The following OSBP2 variants were observed in gnomAD, a reference collection of about 807,000 sequenced individuals.
The protein encoded by OSBP2 is oxysterol-binding protein 2.
In OSBP2, 66 loss-of-function variants were observed where a neutral mutation model predicts 96.0. That is an observed-to-expected ratio of 0.69 (90% CI 0.56 to 0.84). The LOEUF is 0.84. Ranked by LOEUF, OSBP2 falls within the 40% of genes least tolerant of loss-of-function variation. OSBP2 has a pLI of 0.00. For missense variants in OSBP2, 1,038 were observed against 1,222.7 expected (o/e 0.85, Z 2.25); for synonymous variants, 525 against 520.9 (o/e 1.01, Z -0.11).
At chr22:30,781,627 C>G (rs1267554396) in intron 2 of OSBP2, among the ~76,000 whole-genome samples, 1 of 152,114 alleles carries the variant, frequency 6.6e-6, no homozygotes, top group Non-Finnish European at 1.5e-5. Context: ...CTCAAATGGG[C>G]TGACCAGGGA....
chr22:30,854,574 G>T (rs2039042745), intron 2 of OSBP2, among the ~76,000 whole-genome samples: 1 of 150,772 alleles, frequency 6.6e-6, no homozygotes, highest in Non-Finnish European at 1.5e-5. Context: ...CTCCCAAAGT[G>T]CTGGGATTAC....
rs2040008366 is a variant in OSBP2 at position 30,893,855 on chromosome 22, T to G, written c.2229T>G (p.His743Gln). The change falls in exon 12 of 14, where the codon CAT (histidine) becomes CAG (glutamine). Residue 743 changes from histidine (H) to glutamine (Q), a missense_variant. Coordinates refer to ENST00000332585, the MANE Select transcript of OSBP2 (RefSeq NM_030758.4). ...GVVSDSQGKAHYVLSGSWDEQ... is the reference protein window; with the variant it reads ...GVVSDSQGKAQYVLSGSWDEQ... ...TGAGTGACAGCCAGGGCAAGGCCCATTACGTGCTGTCCGGCTCGTGGGATG... is the reference window on the plus strand; with the variant it reads ...TGAGTGACAGCCAGGGCAAGGCCCAGTACGTGCTGTCCGGCTCGTGGGATG... 1 of 1,586,188 alleles carries G rather than the reference T, an allele frequency of 6.3e-7. No homozygotes were observed. The highest frequency in any genetic ancestry group is 1.8e-5 in the Admixed American group (1 of 54,378).
At chr22:30,902,443 G>A in intron 12 of OSBP2, 1 of 1,585,460 alleles carries the variant, frequency 6.3e-7, no homozygotes, top group Non-Finnish European at 8.6e-7. Context: ...TGTGGACATT[G>A]CAGAAGGCAG....
At chr22:30,752,220 CCAGTTGCCT>C (rs1389036546) in intron 2 of OSBP2, among the ~76,000 whole-genome samples, 1 of 151,206 alleles carries the variant, frequency 6.6e-6, no homozygotes, top group East Asian at 1.9e-4. Context: ...CTCGAACTTG[CCAGTTGCCT>C]AAAATGAGCT....
intron 2 of OSBP2, among the ~76,000 whole-genome samples, chr22:30,829,093 G>T (rs989446220): frequency 2.0e-5 from 3 of 152,132 alleles, no homozygotes; most frequent in Non-Finnish European, 4.4e-5. Flanking sequence ...ACAGGCCCAG[G>T]CTCCCCCAGC....
At chr22:30,876,763 C>T (rs1292580996) in intron 3 of OSBP2, among the ~76,000 whole-genome samples, 5 of 152,182 alleles carry the variant, frequency 3.3e-5, no homozygotes, top group Admixed American at 3.3e-4. Context: ...CATGCACCTC[C>T]CCTGCCCCTA....
At chr22:30,717,090 T>TTTGTGTGTG (rs71328866) in intron 1 of OSBP2, among the ~76,000 whole-genome samples, 10 of 118,320 alleles carry the variant, frequency 8.5e-5, no homozygotes, top group African/African-American at 2.9e-4. Context: ...TTTACTGTTT[T>TTTGTGTGTG]TGTGTGTGTG....
chr22:30,743,793 A>AGCCAGT (rs1158694328), intron 2 of OSBP2, among the ~76,000 whole-genome samples: 1 of 152,178 alleles, frequency 6.6e-6, no homozygotes, highest in Non-Finnish European at 1.5e-5. Context: ...TTCCTACGAC[A>AGCCAGT]GCCAGTGCGA....
intron 2 of OSBP2, among the ~76,000 whole-genome samples, chr22:30,758,339 T>A (rs2090165831): frequency 6.6e-6 from 1 of 152,162 alleles, no homozygotes; most frequent in Non-Finnish European, 1.5e-5. Context: ...AGGAAGAGGT[T>A]GCAGTGAGCC....
rs546895823 is a variant in OSBP2 at position 30,876,039 on chromosome 22, C to T, written c.1107+5357C>T. Reference sequence around the variant, plus strand: ...GTTTAGGGAAGAGCCCGGGAAGGTTCCCAGTTGGCGGAGAGGCAGATTCCT... The same window carrying T: ...GTTTAGGGAAGAGCCCGGGAAGGTTTCCAGTTGGCGGAGAGGCAGATTCCT... On this transcript the variant is annotated intron_variant, in intron 3 of 13. Coordinates refer to ENST00000332585, the MANE Select transcript of OSBP2 (RefSeq NM_030758.4). Among the ~76,000 whole-genome samples, 301 of 152,356 alleles carry T rather than the reference C, an allele frequency of 2.0e-3. 1 individual carries two copies. The highest frequency in any genetic ancestry group is 6.8e-3 in the Middle Eastern group (2 of 294).
intron 1 of OSBP2, among the ~76,000 whole-genome samples, chr22:30,737,521 G>T (rs1194955595): frequency 6.6e-6 from 1 of 150,778 alleles, no homozygotes; most frequent in Non-Finnish European, 1.5e-5. Context: ...AGAAATGGGG[G>T]TCTTCCTATG....
intron 2 of OSBP2, among the ~76,000 whole-genome samples, chr22:30,840,328 A>G (rs1602341190): frequency 6.6e-6 from 1 of 151,862 alleles, no homozygotes; most frequent in Non-Finnish European, 1.5e-5. Context: ...AAAAAGGAAA[A>G]AAAAAAAGAA....
chr22:30,799,410 C>T (rs183331697), intron 2 of OSBP2, among the ~76,000 whole-genome samples: 4 of 152,368 alleles, frequency 2.6e-5, no homozygotes, highest in East Asian at 1.9e-4. Context: ...AGGCGTGAGC[C>T]GCCACGCCCA....
chr22:30,785,475 G>A (rs1468225703), intron 2 of OSBP2, among the ~76,000 whole-genome samples: 1 of 150,502 alleles, frequency 6.6e-6, no homozygotes, highest in African/African-American at 2.4e-5. Context: ...GCTGAGGAAA[G>A]AGAATCACTT....
intron 2 of OSBP2, among the ~76,000 whole-genome samples, chr22:30,830,558 C>A (rs1003020860): frequency 5.9e-5 from 9 of 152,250 alleles, no homozygotes; most frequent in African/African-American, 2.2e-4. Flanking sequence ...CGGGACAGGG[C>A]CCCTGGAATG....
intron 12 of OSBP2, chr22:30,902,712 C>A: frequency 2.0e-6 from 1 of 498,456 alleles, no homozygotes; most frequent in Non-Finnish European, 3.9e-6. Flanking sequence ...ATGAAGTAGC[C>A]GATCCCAACT....
At chr22:30,781,647 G>A (rs1602255424) in intron 2 of OSBP2, among the ~76,000 whole-genome samples, 1 of 152,220 alleles carries the variant, frequency 6.6e-6, no homozygotes, top group Admixed American at 6.5e-5. Context: ...AGCCGCATCT[G>A]CCCAGTAGGG....
At chr22:30,694,118 T>A, upstream of OSBP2, 1 of 1,549,210 alleles carries the variant, frequency 6.5e-7, no homozygotes, top group South Asian at 1.2e-5. Context: ...TACCCAGGGA[T>A]CCCGGGAGGT....
chr22:30,712,638 G>C (rs1427468942), intron 1 of OSBP2, among the ~76,000 whole-genome samples: 1 of 152,164 alleles, frequency 6.6e-6, no homozygotes, highest in African/African-American at 2.4e-5. Flanking sequence ...GAGGGAACTG[G>C]AGCGTCCAGG....
Sources: gnomAD v4.1 joint callset for allele counts (sites outside exome capture counted in the v4.1 genomes callset) on GRCh38, gnomAD v4.1.1 for gene constraint, MANE v1.5 for transcripts, NCBI Gene and HGNC (gene_info 2026-07-23, HGNC 2026-07-21) for gene names.